The following LSM4 variants were observed in gnomAD, a reference collection of about 807,000 sequenced individuals.
LSM4 encodes U6 snRNA-associated Sm-like protein LSm4.
Under a neutral mutation model 22.3 loss-of-function variants are expected in LSM4, and 15 were observed. The observed-to-expected ratio is 0.67, with a 90% CI of 0.45 to 1.03. LSM4 has a LOEUF of 1.03. Among genes scored for constraint, LSM4 ranks in the 50% least tolerant of loss-of-function variants. LSM4 has a pLI of 0.00. For synonymous variants in LSM4, 90 were observed against 79.8 expected (o/e 1.13, Z -0.68); for missense variants, 127 against 198.0 (o/e 0.64, Z 2.15).
chr19:18,308,821 C>A (rs986505694), intron 4 of LSM4, among the ~76,000 whole-genome samples: 4 of 152,238 alleles, frequency 2.6e-5, no homozygotes, highest in Admixed American at 2.6e-4. Context: ...TCTCACCAGG[C>A]AGGACCAGCT....
At chr19:18,307,948 G>T (rs539631597) in intron 4 of LSM4, among the ~76,000 whole-genome samples, 7 of 143,240 alleles carry the variant, frequency 4.9e-5, no homozygotes, top group Admixed American at 2.1e-4. Context: ...GCTCCCTGGC[G>T]GGGGGGGGGC....
At chr19:18,316,131 TCC>T in intron 1 of LSM4, 66 bp from the exon 2 acceptor site, 1 of 1,513,556 alleles carries the variant, frequency 6.6e-7, no homozygotes, top group Non-Finnish European at 9.2e-7. Context: ...TGGTCTTGAG[TCC>T]CACCCATGAC....
intron 1 of LSM4, among the ~76,000 whole-genome samples, chr19:18,321,027 T>G (rs1028010503): frequency 1.4e-4 from 21 of 152,192 alleles, no homozygotes; most frequent in African/African-American, 5.1e-4. Flanking sequence ...GCTGCTAACC[T>G]AGGCCACTCC....
At chr19:18,307,703 C>T in intron 4 of LSM4, 148 bp from the exon 5 acceptor site, 2 of 548,990 alleles carry the variant, frequency 3.6e-6, no homozygotes, top group East Asian at 3.4e-5. Flanking sequence ...GTGCTTGGAT[C>T]TCCTCCGTGG....
At chr19:18,313,685 T>C (rs895273982) in intron 2 of LSM4, among the ~76,000 whole-genome samples, 1 of 152,038 alleles carries the variant, frequency 6.6e-6, no homozygotes, top group Admixed American at 6.6e-5. Context: ...ATGTGGTTAA[T>C]TTCTTTTCCT....
intron 2 of LSM4, among the ~76,000 whole-genome samples, chr19:18,315,701 C>G (rs1201759945): frequency 1.3e-5 from 2 of 151,988 alleles, no homozygotes; most frequent in African/African-American, 4.8e-5. Flanking sequence ...ACCACCTCAT[C>G]TGGCTAATTT....
At position 18,314,653 on chromosome 19, in the gene LSM4, C is replaced by T. The variant is rs191743109; in HGVS notation, c.45+1371G>A. 6.4e-3 allele frequency among the ~76,000 whole-genome samples: 981 copies of T among 152,262 alleles called. 6 individuals carry two copies. The highest frequency in any genetic ancestry group is 0.011 in the Non-Finnish European group (731 of 68,012). Reference sequence around the variant, plus strand: ...GACAACCACCAGGCTCGAAAGGCCTCATGGTCTCCGTTCGCATGCATGGGA... The same window carrying T: ...GACAACCACCAGGCTCGAAAGGCCTTATGGTCTCCGTTCGCATGCATGGGA... On this transcript the variant is annotated intron_variant, in intron 2 of 4. Coordinates refer to ENST00000593829, the MANE Select transcript of LSM4 (RefSeq NM_012321.5).
At chr19:18,319,601 G>A (rs1019447176) in intron 1 of LSM4, among the ~76,000 whole-genome samples, 1 of 152,132 alleles carries the variant, frequency 6.6e-6, no homozygotes, top group Non-Finnish European at 1.5e-5. Context: ...AATAGGGTTG[G>A]TGCAGACCCA....
intron 1 of LSM4, among the ~76,000 whole-genome samples, chr19:18,317,970 G>T (rs1000378967): frequency 6.6e-6 from 1 of 152,180 alleles, no homozygotes; most frequent in East Asian, 1.9e-4. Context: ...CTCGGGTAAC[G>T]CAGAGCTGTG....
rs1284642837 is a variant in LSM4, at chr19:18,322,727, C to CT, written c.3+290dup. Among the ~76,000 whole-genome samples the CT allele has an allele frequency of 5.7e-3, 837 of 146,694 alleles. 4 individuals are homozygous for CT. The highest frequency in any genetic ancestry group is 0.018 in the African/African-American group (738 of 40,308). Reference sequence around the variant, plus strand: ...TCTGCTGCATTTGGCGGATCCCCACCTTTTTTTTTTTTACTTCAGTTTCCC... The same window carrying CT: ...TCTGCTGCATTTGGCGGATCCCCACCTTTTTTTTTTTTTACTTCAGTTTCCC... On this transcript the variant is annotated intron_variant, in intron 1 of 4. Transcript: ENST00000593829.
intron 3 of LSM4, chr19:18,310,151 A>C (rs1600164927): frequency 2.4e-6 from 1 of 419,596 alleles, no homozygotes; most frequent in Non-Finnish European, 4.2e-6. Context: ...GGCCTGGCTC[A>C]GGAGTGGCTG....
intron 2 of LSM4, 103 bp downstream of exon 2, chr19:18,315,921 T>G (rs536718275): frequency 4.9e-6 from 5 of 1,024,146 alleles, no homozygotes; most frequent in Non-Finnish European, 6.0e-6. Context: ...CAAACTGCCA[T>G]GCTGGTGGAC....
intron 4 of LSM4, 155 bp downstream of exon 4, chr19:18,309,523 G>A: frequency 1.3e-6 from 1 of 764,214 alleles, no homozygotes; most frequent in East Asian, 2.9e-5. Context: ...GGGCTCCTCT[G>A]CCTGGGCCTC....
intron 1 of LSM4, 161 bp from the exon 2 acceptor site, chr19:18,316,226 C>T (rs1359855760): frequency 6.7e-6 from 4 of 598,300 alleles, no homozygotes; most frequent in South Asian, 4.1e-5. Context: ...CCTCACTCTG[C>T]CCAGCCCTGG....
chr19:18,321,916 G>A (rs142146303), intron 1 of LSM4, among the ~76,000 whole-genome samples: 2 of 152,172 alleles, frequency 1.3e-5, no homozygotes, highest in East Asian at 3.9e-4. Flanking sequence ...GCCCCTACCC[G>A]CCAAATTATC....
At chr19:18,309,649 G>A (rs771112555) in intron 4 of LSM4, 29 bp downstream of exon 4, 2 of 1,557,600 alleles carry the variant, frequency 1.3e-6, no homozygotes, top group Non-Finnish European at 1.7e-6. Flanking sequence ...TCCCGCCCCA[G>A]GTACGTCCAC....
intron 3 of LSM4, chr19:18,312,333 A>G: frequency 2.4e-6 from 1 of 408,724 alleles, no homozygotes; most frequent in Non-Finnish European, 4.5e-6. Flanking sequence ...CCTGAGCCAC[A>G]GGGAGTCCCC....
At chr19:18,308,121 G>T (rs1210323479) in intron 4 of LSM4, among the ~76,000 whole-genome samples, 1 of 152,212 alleles carries the variant, frequency 6.6e-6, no homozygotes, top group Non-Finnish European at 1.5e-5. Flanking sequence ...CATTTTCCAT[G>T]AAGCCCCTGA....
chr19:18,311,673 C>T (rs374441491), intron 3 of LSM4, among the ~76,000 whole-genome samples: 14 of 152,170 alleles, frequency 9.2e-5, no homozygotes, highest in South Asian at 2.1e-4. Context: ...AGACGCCCTC[C>T]GACAGGCTAT....
Sources: allele counts gnomAD v4.1 joint callset (sites outside exome capture counted in the v4.1 genomes callset), GRCh38; gene constraint gnomAD v4.1.1; transcripts MANE v1.5; gene names NCBI Gene and HGNC (gene_info 2026-07-23, HGNC 2026-07-21).